The following ANO6 variants were observed in gnomAD, a reference collection of about 807,000 sequenced individuals.
The protein encoded by ANO6 is anoctamin-6.
In ANO6, 106 loss-of-function variants were observed where a neutral mutation model predicts 117.5. The observed-to-expected ratio is 0.90, with a 90% CI of 0.77 to 1.06. ANO6 has a LOEUF of 1.06. ANO6 is among the 50% of genes least tolerant of loss of function. The pLI is 0.00. For synonymous variants in ANO6, 367 were observed against 385.1 expected (o/e 0.95, Z 0.55); for missense variants, 955 against 1,121.1 (o/e 0.85, Z 2.12).
At chr12:45,389,034 C>T (rs934532943) in intron 11 of ANO6, among the ~76,000 whole-genome samples, 23 of 152,180 alleles carry the variant, frequency 1.5e-4, no homozygotes, top group African/African-American at 5.5e-4. Flanking sequence ...ATTGTACTTG[C>T]AGTCATCAGC....
intron 19 of ANO6, among the ~76,000 whole-genome samples, chr12:45,424,327 G>GTTTTT (rs66945216): frequency 0.012 from 996 of 81,232 alleles, 156 homozygotes; most frequent in African/African-American, 0.047. Context: ...TAGGTGATGG[G>GTTTTT]TTTTTTTTTT....
chr12:45,376,109 C>A (rs1199988201), intron 9 of ANO6, among the ~76,000 whole-genome samples: 3 of 151,586 alleles, frequency 2.0e-5, no homozygotes, highest in Admixed American at 6.6e-5. Context: ...AAATGCTCAT[C>A]ATCACTGGCC....
chr12:45,237,060 A>G (rs1448256978), intron 1 of ANO6, among the ~76,000 whole-genome samples: 1 of 151,994 alleles, frequency 6.6e-6, no homozygotes, highest in Non-Finnish European at 1.5e-5. Context: ...TCCTTTACCC[A>G]CTTTTTGATG....
At chr12:45,327,808 A>T (rs2137389917) in intron 2 of ANO6, among the ~76,000 whole-genome samples, 1 of 152,114 alleles carries the variant, frequency 6.6e-6, no homozygotes, top group African/African-American at 2.4e-5. Flanking sequence ...GATCTTCAGA[A>T]TTTTTTTGTG....
intron 1 of ANO6, among the ~76,000 whole-genome samples, chr12:45,285,034 A>AT: frequency 6.6e-6 from 1 of 152,356 alleles, no homozygotes; most frequent in African/African-American, 2.4e-5. Flanking sequence ...GTAGTCAGAT[A>AT]ATCTGTTTAT....
At chr12:45,241,328 C>G (rs566200865) in intron 1 of ANO6, among the ~76,000 whole-genome samples, 5 of 152,264 alleles carry the variant, frequency 3.3e-5, no homozygotes, top group African/African-American at 1.2e-4. Flanking sequence ...ATCATTTCTT[C>G]CACTTGATCA....
At chr12:45,276,048 T>G (rs886556213) in intron 1 of ANO6, among the ~76,000 whole-genome samples, 1 of 152,214 alleles carries the variant, frequency 6.6e-6, no homozygotes, top group African/African-American at 2.4e-5. Flanking sequence ...TTTGCTTCCA[T>G]GTCCCATCTA....
intron 3 of ANO6, among the ~76,000 whole-genome samples, chr12:45,339,180 C>T (rs1240183719): frequency 1.3e-5 from 2 of 152,026 alleles, no homozygotes; most frequent in Non-Finnish European, 2.9e-5. Flanking sequence ...AAGGTGTGTC[C>T]TAGAAAATAG....
intron 1 of ANO6, among the ~76,000 whole-genome samples, chr12:45,229,921 A>T (rs753270147): frequency 9.2e-5 from 13 of 140,694 alleles, no homozygotes; most frequent in Non-Finnish European, 1.8e-4. Context: ...TTCATACGAA[A>T]CGGTTGTATC....
chr12:45,287,250 G>T (rs184342692), intron 1 of ANO6, among the ~76,000 whole-genome samples: 30 of 152,274 alleles, frequency 2.0e-4, no homozygotes, highest in Non-Finnish European at 2.2e-4. Context: ...GAGAGAGAAT[G>T]CTACCTAAGG....
chr12:45,359,720 G>A (rs796741998), intron 8 of ANO6, among the ~76,000 whole-genome samples: 38 of 152,172 alleles, frequency 2.5e-4, no homozygotes, highest in African/African-American at 9.2e-4. Flanking sequence ...TCTACTCTTT[G>A]GTTATTATGA....
At chr12:45,363,311 C>G (rs967907634) in intron 8 of ANO6, among the ~76,000 whole-genome samples, 1 of 152,062 alleles carries the variant, frequency 6.6e-6, no homozygotes, top group Non-Finnish European at 1.5e-5. Flanking sequence ...CGCCTGTAAT[C>G]CCACAACTTT....
chr12:45,365,153 A>T (rs1269328524), intron 8 of ANO6, among the ~76,000 whole-genome samples: 1 of 152,150 alleles, frequency 6.6e-6, no homozygotes, highest in South Asian at 2.1e-4. Flanking sequence ...GTGAGTGTGT[A>T]TTGAGGAAAT....
At chr12:45,303,985 C>T (rs1939583175) in intron 2 of ANO6, among the ~76,000 whole-genome samples, 1 of 152,158 alleles carries the variant, frequency 6.6e-6, no homozygotes, top group Admixed American at 6.5e-5. Flanking sequence ...TTTCTGTATC[C>T]TGGCTATTAT....
intron 1 of ANO6, among the ~76,000 whole-genome samples, chr12:45,282,449 C>T (rs1938771211): frequency 6.6e-6 from 1 of 152,170 alleles, no homozygotes; most frequent in African/African-American, 2.4e-5. Context: ...GGAAGACCCT[C>T]TAAGAGAATG....
At chr12:45,239,940 C>T (rs561601310) in intron 1 of ANO6, among the ~76,000 whole-genome samples, 3 of 152,168 alleles carry the variant, frequency 2.0e-5, no homozygotes, top group South Asian at 2.1e-4. Flanking sequence ...GCTTTACTTC[C>T]AATTATGTGG....
At chr12:45,328,020 C>G (rs1425047861) in intron 2 of ANO6, among the ~76,000 whole-genome samples, 1 of 152,022 alleles carries the variant, frequency 6.6e-6, no homozygotes, top group African/African-American at 2.4e-5. Context: ...CTGAGTACAC[C>G]TTGATCATCA....
rs199820346 is a variant in ANO6 at position 45,367,757 on chromosome 12, A to G, written c.1068A>G (p.Pro356=). 6.2e-6 allele frequency: 10 copies of G among 1,613,608 alleles called. No individual in the cohort carries two copies. In the East Asian group the frequency reaches 1.6e-4, roughly 25 times the overall value. ...IMCPQCDRLC[P]FWKLNITCES... is the part of the protein sequence containing the mutation. ...GTCCTCAGTGTGATAGGCTTTGTCC[A>G]TTCTGGAAACTCAATATTACTTGCG... is the stretch of plus-strand genomic sequence containing the variant. Residue 356 remains proline, a synonymous_variant, in exon 9 of 20, where the codon CCA becomes CCG. Coordinates refer to ENST00000320560, the MANE Select transcript of ANO6 (RefSeq NM_001025356.3).
Position 45,314,901 on chromosome 12 carries a change from CAGGAG to C in ANO6, c.150+12809_150+12813del, listed in dbSNP as rs1939970555. 3.9e-5 allele frequency among the ~76,000 whole-genome samples: 6 copies of C among 152,178 alleles called. No individual in the cohort carries two copies. In the South Asian group the frequency reaches 1.0e-3, roughly 26 times the overall value. On this transcript the variant is annotated intron_variant, in intron 2 of 19. Transcript: ENST00000320560. Reference sequence around the variant, plus strand: ...TCTAACTATCACAGTGGATGTATTACAGGAGGGTGCCCAAATAGCATTACATGAAC... The same window carrying C: ...TCTAACTATCACAGTGGATGTATTACGGTGCCCAAATAGCATTACATGAAC...
Sources: gnomAD v4.1 joint callset for allele counts (sites outside exome capture counted in the v4.1 genomes callset) on GRCh38, gnomAD v4.1.1 for gene constraint, MANE v1.5 for transcripts, NCBI Gene and HGNC (gene_info 2026-07-23, HGNC 2026-07-21) for gene names.